KIAA1217: variants seen among roughly 807,000 people sequenced by gnomAD.
The protein encoded by KIAA1217 is sickle tail protein homolog.
A neutral mutation model predicts 163.9 loss-of-function variants in KIAA1217; 88 were observed. That is an observed-to-expected ratio of 0.54 (90% CI 0.45 to 0.64). KIAA1217 has a LOEUF of 0.64. Among genes scored for constraint, KIAA1217 ranks in the 30% least tolerant of loss-of-function variants. The pLI is 0.00. For missense variants in KIAA1217, 2,372 were observed against 2,475.0 expected, an observed-to-expected ratio of 0.96 and a Z score of 0.88; for synonymous variants, 903 against 923.1, an observed-to-expected ratio of 0.98 and a Z score of 0.39.
chr10:24,520,683 C>CAAAAAA (rs1392742371), intron 11 of KIAA1217, among the ~76,000 whole-genome samples: 1 of 98,924 alleles, frequency 1.0e-5, no homozygotes, highest in African/African-American at 4.5e-5. Flanking sequence ...TATACACACA[C>CAAAAAA]ACACAAAAAA....
intron 3 of KIAA1217, among the ~76,000 whole-genome samples, chr10:24,399,483 T>G (rs1283013289): frequency 6.6e-6 from 1 of 152,232 alleles, no homozygotes; most frequent in East Asian, 1.9e-4. Context: ...CATTTTAGAT[T>G]GGTCAGCTGA....
chr10:24,255,510 T>C (rs2075051525), intron 2 of KIAA1217: 2 of 455,704 alleles, frequency 4.4e-6, no homozygotes, highest in South Asian at 1.6e-5. Context: ...GACCCATGTC[T>C]GCCCTTCTGT....
At chr10:23,848,476 C>T (rs529743959) in intron 1 of KIAA1217, among the ~76,000 whole-genome samples, 41 of 152,038 alleles carry the variant, frequency 2.7e-4, no homozygotes, top group African/African-American at 9.2e-4. Flanking sequence ...GCCCACTCAG[C>T]ATCTCTATTT....
intron 2 of KIAA1217, among the ~76,000 whole-genome samples, chr10:24,372,007 C>G (rs565859858): frequency 6.6e-6 from 1 of 152,140 alleles, no homozygotes; most frequent in Non-Finnish European, 1.5e-5. Flanking sequence ...ACATTGGGTA[C>G]ACATGGGTAT....
chr10:24,503,889 A>G (rs12217918), intron 9 of KIAA1217, among the ~76,000 whole-genome samples: 15,177 of 152,210 alleles, frequency 0.1, 1,052 homozygotes, highest in East Asian at 0.14. Context: ...AAAAACATAC[A>G]TATCATTTGT....
At chr10:23,762,035 A>G (rs1169450297) in intron 1 of KIAA1217, among the ~76,000 whole-genome samples, 1 of 151,972 alleles carries the variant, frequency 6.6e-6, no homozygotes, top group Non-Finnish European at 1.5e-5. Flanking sequence ...ACACATACAC[A>G]CTCCCAAGAC....
intron 2 of KIAA1217, among the ~76,000 whole-genome samples, chr10:24,155,791 C>G (rs2064846256): frequency 6.6e-6 from 1 of 151,748 alleles, no homozygotes; most frequent in Non-Finnish European, 1.5e-5. Context: ...CCACTGCACT[C>G]TAACCTGGTG....
chr10:23,731,505 TGTCAGTTGCTTG>T (rs1838473645), intron 1 of KIAA1217, among the ~76,000 whole-genome samples: 1 of 152,092 alleles, frequency 6.6e-6, no homozygotes, highest in Admixed American at 6.6e-5. Context: ...GGAAGTACAG[TGTCAGTTGCTTG>T]GTCCATATCA....
At chr10:23,933,313 G>A (rs1181414008) in intron 1 of KIAA1217, among the ~76,000 whole-genome samples, 11 of 152,134 alleles carry the variant, frequency 7.2e-5, no homozygotes, top group African/African-American at 2.2e-4. Context: ...GGAAGGGTGC[G>A]TTAGTTTCTG....
At chr10:23,736,285 G>A (rs1431311344) in intron 1 of KIAA1217, among the ~76,000 whole-genome samples, 2 of 152,178 alleles carry the variant, frequency 1.3e-5, no homozygotes, top group Admixed American at 1.3e-4. Flanking sequence ...GTGCAGTATG[G>A]TGAGTGTGGT....
chr10:24,375,091 G>A (rs1370508763), intron 2 of KIAA1217, among the ~76,000 whole-genome samples: 1 of 152,092 alleles, frequency 6.6e-6, no homozygotes, highest in African/African-American at 2.4e-5. Context: ...TGACCCCAGG[G>A]CTCGCTGTTC....
At chr10:23,920,096 C>G (rs1842799552) in intron 1 of KIAA1217, among the ~76,000 whole-genome samples, 1 of 152,200 alleles carries the variant, frequency 6.6e-6, no homozygotes, top group South Asian at 2.1e-4. Context: ...CCCAGCTACT[C>G]AAGGACAAAA....
At chr10:24,228,248 C>T (rs527698686) in intron 2 of KIAA1217, among the ~76,000 whole-genome samples, 3 of 152,098 alleles carry the variant, frequency 2.0e-5, no homozygotes, top group East Asian at 1.9e-4. Flanking sequence ...GGCAGCAGAA[C>T]GAGACCCCTT....
At chr10:24,479,646 C>G (rs755182306) in intron 6 of KIAA1217, among the ~76,000 whole-genome samples, 3 of 152,092 alleles carry the variant, frequency 2.0e-5, no homozygotes, top group Non-Finnish European at 4.4e-5. Context: ...AGACTGGGTA[C>G]TTTGTAAAGA....
chr10:24,209,091 T>G, upstream of KIAA1217: 1 of 929,288 alleles, frequency 1.1e-6, no homozygotes, highest in Non-Finnish European at 1.7e-6. Context: ...CACCGTCCCC[T>G]CCTCCCCAGC....
Position 24,219,961 on chromosome 10 carries a change from C to T in KIAA1217, c.354+52C>T, listed in dbSNP as rs189959606. 4,084 of 1,497,340 alleles carry T rather than the reference C, an allele frequency of 2.7e-3. 10 individuals are homozygous for T. The highest frequency in any genetic ancestry group is 3.4e-3 in the Non-Finnish European group (3,778 of 1,116,682). The allele number at this position is 1,497,340 out of a possible 1,614,324, so 92.8% of individuals were successfully genotyped here. On this transcript the variant is annotated intron_variant, in intron 2 of 20. Coordinates refer to ENST00000376454, the MANE Select transcript of KIAA1217 (RefSeq NM_019590.5). ...GTGTAGCTCGCTCTCTAATGAACAT[C>T]GAGGAAAGCAAACTTACTTTCTTTG...
intron 2 of KIAA1217, among the ~76,000 whole-genome samples, chr10:24,054,261 A>G (rs1415057878): frequency 2.0e-5 from 3 of 152,282 alleles, no homozygotes; most frequent in African/African-American, 4.8e-5. Context: ...TCAAGAGGAG[A>G]TGCCAGATAG....
At position 24,536,779 on chromosome 10, in the gene KIAA1217, C is replaced by T. The variant is rs1432364458; in HGVS notation, c.3420C>T (p.Phe1140=). The change falls in exon 17 of 21, where the codon TTC becomes TTT. Residue 1140 remains phenylalanine (F), a synonymous_variant. Coordinates refer to ENST00000376454, the MANE Select transcript of KIAA1217 (RefSeq NM_019590.5). ...GDKIMAELQA[F]QKCSFMDVNS... ...TCAGTATTTTAATTCCTTAGGCATT[C>T]CAGAAGTGTTCCTTTATGGATGTAA... The T allele has an allele frequency of 1.2e-6, 2 of 1,613,382 alleles. No homozygotes were observed. Among genetic ancestry groups the T allele is most frequent in the African/African-American group, 2.7e-5 (2 of 74,900 alleles).
rs1005892499 is a variant in KIAA1217 at position 24,386,688 on chromosome 10, C to T, written c.553+5621C>T. ...TCCCTGACTCAAGCAATCCTCCCACCTCATCCTCCTGAGTAGCTGGGACTA... is the reference window on the plus strand; with the variant it reads ...TCCCTGACTCAAGCAATCCTCCCACTTCATCCTCCTGAGTAGCTGGGACTA... On this transcript the variant is annotated intron_variant, in intron 3 of 20. Transcript: ENST00000376454. 2.6e-5 allele frequency among the ~76,000 whole-genome samples: 4 copies of T among 152,290 alleles called. No individual in the cohort carries two copies. In the East Asian group the frequency reaches 7.7e-4, roughly 29 times the overall value.
Sources: gnomAD v4.1 joint callset for allele counts (sites outside exome capture counted in the v4.1 genomes callset) on GRCh38, gnomAD v4.1.1 for gene constraint, MANE v1.5 for transcripts, NCBI Gene and HGNC (gene_info 2026-07-23, HGNC 2026-07-21) for gene names.